TTC7A: variants seen among roughly 807,000 people sequenced by gnomAD.
TTC7A encodes tetratricopeptide repeat domain 7A.
A neutral mutation model predicts 103.7 loss-of-function variants in TTC7A; 110 were observed. The ratio of observed to expected loss-of-function variants is 1.06; its 90% CI spans 0.91 to 1.24. The LOEUF is 1.24. Among genes scored for constraint, TTC7A ranks in the 50% most tolerant of loss-of-function variants. The probability of loss-of-function intolerance (pLI) is 0.00; values close to 1 mark genes in which losing one functional copy is unlikely to be tolerated. For missense variants in TTC7A, 1,340 were observed against 1,116.3 expected (o/e 1.20, Z -2.86); for synonymous variants, 521 against 467.9 (o/e 1.11, Z -1.47).
intron 11 of TTC7A, among the ~76,000 whole-genome samples, chr2:47,015,445 G>C (rs989134488): frequency 3.9e-5 from 6 of 152,176 alleles, no homozygotes; most frequent in Non-Finnish European, 7.3e-5. Flanking sequence ...GGGCAGCAGG[G>C]GGTAGTGGAA....
At chr2:46,920,629 CCTTAGT>C (rs1669054548) in intron 2 of TTC7A, among the ~76,000 whole-genome samples, 1 of 150,180 alleles carries the variant, frequency 6.7e-6, no homozygotes, top group Admixed American at 6.6e-5. Context: ...CCATGCCTGG[CCTTAGT>C]CTTAGGCTTT....
intron 18 of TTC7A, among the ~76,000 whole-genome samples, chr2:47,056,421 G>A (rs548146293): frequency 3.3e-5 from 5 of 152,336 alleles, no homozygotes; most frequent in African/African-American, 1.2e-4. Context: ...CTCACCTGGA[G>A]AAGCCCTAAG....
rs577023082 is a variant in TTC7A at position 47,070,497 on chromosome 2, C to A, written c.2356-3205C>A. On this transcript the variant is annotated intron_variant, in intron 19 of 19. Coordinates refer to ENST00000319190, the MANE Select transcript of TTC7A (RefSeq NM_020458.4). ...TGAGCTGCTGTCCTTTGGGGAATAA[C>A]AAAGCAGGCAGGAGGCTGGGGCGCT... 3.3e-5 allele frequency among the ~76,000 whole-genome samples: 5 copies of A among 152,270 alleles called. No individual in the cohort carries two copies. The East Asian group carries it at 9.6e-4, about 29-fold the overall frequency.
chr2:46,995,013 T>C (rs1676033301), intron 7 of TTC7A, 123 bp from the exon 8 acceptor site: 6 of 845,110 alleles, frequency 7.1e-6, no homozygotes, highest in South Asian at 1.5e-5. Context: ...CCATGAATTA[T>C]GCAGGAAGAG....
chr2:46,995,138 T>C lies in TTC7A; in HGVS notation c.1004T>C (p.Leu335Pro), dbSNP rs140111527. 6.2e-7 allele frequency: 1 copy of C among 1,614,212 alleles called. No homozygotes were observed. Among genetic ancestry groups the C allele is most frequent in the Non-Finnish European group, 8.5e-7 (1 of 1,180,024 alleles). Reference sequence around the variant, plus strand: ...GGCCTGTCATTGGTGTCTTTCAGCCTCTACTGCCCCAAGGACAACATCGAG... The same window carrying C: ...GGCCTGTCATTGGTGTCTTTCAGCCCCTACTGCCCCAAGGACAACATCGAG... ...RKPHLYEGDN[L>P]YCPKDNIEEA... The change falls in exon 8 of 20, where the codon CTC (leucine) becomes CCC (proline). Residue 335 changes from leucine to proline, a missense_variant and splice_region_variant. Transcript: ENST00000319190.
At chr2:47,027,127 C>G (rs1186036059) in intron 14 of TTC7A, among the ~76,000 whole-genome samples, 1 of 152,218 alleles carries the variant, frequency 6.6e-6, no homozygotes. Flanking sequence ...TGGTCACAGC[C>G]TTTCTACAGG....
At chr2:46,924,332 C>T (rs1389363632) in intron 2 of TTC7A, among the ~76,000 whole-genome samples, 2 of 151,576 alleles carry the variant, frequency 1.3e-5, no homozygotes, top group African/African-American at 2.4e-5. Flanking sequence ...TCCCTTCTCT[C>T]CACTAAGTTA....
At chr2:47,068,142 GACCT>G (rs918479581) in intron 19 of TTC7A, 38 of 152,382 alleles carry the variant, frequency 2.5e-4, no homozygotes, top group African/African-American at 9.1e-4. Context: ...GGGAGGCCCT[GACCT>G]ACCGCCATGC....
intron 10 of TTC7A, 26 bp downstream of exon 10, chr2:47,006,750 T>C: frequency 6.4e-7 from 1 of 1,563,242 alleles, no homozygotes; most frequent in Non-Finnish European, 8.8e-7. Context: ...CGCTAGGGGT[T>C]GCACACTCAC....
chr2:46,988,649 T>C (rs1675294717), intron 5 of TTC7A, among the ~76,000 whole-genome samples: 1 of 152,234 alleles, frequency 6.6e-6, no homozygotes, highest in South Asian at 2.1e-4. Context: ...CTAATCTCTA[T>C]TGTGAACAGA....
chr2:46,960,091 G>A (rs1199590209), intron 3 of TTC7A, among the ~76,000 whole-genome samples: 1 of 152,184 alleles, frequency 6.6e-6, no homozygotes, highest in Non-Finnish European at 1.5e-5. Flanking sequence ...CATGTGCTCA[G>A]ACTGACCAGG....
chr2:46,917,906 C>G (rs890488399), intron 2 of TTC7A, among the ~76,000 whole-genome samples: 12 of 152,216 alleles, frequency 7.9e-5, no homozygotes, highest in Non-Finnish European at 1.8e-4. Context: ...CTTTCTTGGG[C>G]TTCTTAATTG....
At chr2:47,068,776 A>G (rs1475073613) in intron 19 of TTC7A, among the ~76,000 whole-genome samples, 2 of 149,790 alleles carry the variant, frequency 1.3e-5, no homozygotes, top group Non-Finnish European at 3.0e-5. Flanking sequence ...TCCATCACCA[A>G]CCCTGATGAG....
chr2:47,061,425 G>T (rs1187504035), intron 19 of TTC7A, among the ~76,000 whole-genome samples: 1 of 152,134 alleles, frequency 6.6e-6, no homozygotes, highest in African/African-American at 2.4e-5. Flanking sequence ...ACATCTCTTT[G>T]GTGGGATTCA....
chr2:46,933,969 T>C (rs62140552), intron 2 of TTC7A, among the ~76,000 whole-genome samples: 165 of 152,286 alleles, frequency 1.1e-3, no homozygotes, highest in Non-Finnish European at 1.8e-3. Context: ...GGCTTGGTGC[T>C]CTACTTCTGA....
At chr2:47,071,092 T>C (rs1042208784) in intron 19 of TTC7A, 2 of 152,344 alleles carry the variant, frequency 1.3e-5, no homozygotes, top group Non-Finnish European at 2.9e-5. Context: ...GAGGATTGTC[T>C]GCAGGTCCTA....
chr2:46,922,742 G>A (rs1669171837), intron 2 of TTC7A, among the ~76,000 whole-genome samples: 1 of 152,042 alleles, frequency 6.6e-6, no homozygotes, highest in African/African-American at 2.4e-5. Context: ...GGGAGGGGCG[G>A]GGGGCTCTTC....
At chr2:47,071,907 G>A (rs752129786) in intron 19 of TTC7A, among the ~76,000 whole-genome samples, 57 of 152,224 alleles carry the variant, frequency 3.7e-4, no homozygotes, top group African/African-American at 1.3e-3. Flanking sequence ...AAGCCACTCC[G>A]GCCCTGGCCC....
Position 47,007,098 on chromosome 2 carries a change from G to A in TTC7A, c.1287+374G>A, listed in dbSNP as rs1167654018. Among the ~76,000 whole-genome samples, 1 of 152,144 alleles carries A rather than the reference G, an allele frequency of 6.6e-6. No homozygotes were observed. Among genetic ancestry groups the A allele is most frequent in the Non-Finnish European group, 1.5e-5 (1 of 68,024 alleles). ...GGCTGTAGTTCTCATCCTGTCCACT[G>A]AGCATAGCATCAGGAAATGGCCTGC... On this transcript the variant is annotated intron_variant, in intron 10 of 19. Coordinates refer to ENST00000319190, the MANE Select transcript of TTC7A (RefSeq NM_020458.4). The surrounding 1 kb of genome is among the most constrained non-coding windows in gnomAD (Gnocchi z 4.9).
Sources: allele counts gnomAD v4.1 joint callset (sites outside exome capture counted in the v4.1 genomes callset), GRCh38; gene constraint gnomAD v4.1.1; non-coding constraint Gnocchi (gnomAD v3.1); transcripts MANE v1.5; gene names NCBI Gene and HGNC (gene_info 2026-07-23, HGNC 2026-07-21).